Variants in CDCP1 observed in about 807,000 individuals in gnomAD.
The protein encoded by CDCP1 is CUB domain-containing protein 1.
In CDCP1, 29 loss-of-function variants were observed where a neutral mutation model predicts 60.2. The observed-to-expected ratio is 0.48, with a 90% confidence interval of 0.36 to 0.66. CDCP1 has a LOEUF of 0.66. Ranked by LOEUF, CDCP1 falls within the 30% of genes least tolerant of loss-of-function variation. CDCP1 has a pLI of 0.00. For synonymous variants in CDCP1, 387 were observed against 431.1 expected (o/e 0.90, Z 1.27); for missense variants, 876 against 1,074.3 (o/e 0.82, Z 2.58).
rs941792210 is a variant in CDCP1, at chr3:45,085,349, G to C, written c.*289C>G. On this transcript the variant is annotated 3_prime_UTR_variant, in exon 9 of 9. Transcript: ENST00000296129. This position sits in a 1 kb window ranked among gnomAD's most constrained non-coding sequence, Gnocchi z 4.2. Reference sequence around the variant, plus strand: ...AATCCAGGGCTTGCTGCAACCCTATGCTAGGTGACTCAGGCCTCTCTCCTC... The same window carrying C: ...AATCCAGGGCTTGCTGCAACCCTATCCTAGGTGACTCAGGCCTCTCTCCTC... 3 of 373,338 alleles carry C rather than the reference G, an allele frequency of 8.0e-6. No homozygotes were observed. Among genetic ancestry groups the C allele is most frequent in the Non-Finnish European group, 9.8e-6 (2 of 203,316 alleles). The allele number at this position is 373,338 out of a possible 1,614,324, so 23.1% of individuals were successfully genotyped here. A position where few individuals can be genotyped will look rare whatever the true frequency, so the allele number is the denominator to read the frequency against.
chr3:45,105,089 C>T (rs1296507623), intron 4 of CDCP1, among the ~76,000 whole-genome samples: 1 of 152,088 alleles, frequency 6.6e-6, no homozygotes, highest in East Asian at 1.9e-4. Flanking sequence ...GATGTTTAAC[C>T]CCCACCTGCC....
At chr3:45,090,364 T>C (rs2125989513) in intron 7 of CDCP1, among the ~76,000 whole-genome samples, 1 of 152,274 alleles carries the variant, frequency 6.6e-6, no homozygotes, top group Non-Finnish European at 1.5e-5. Flanking sequence ...GCCCATGACT[T>C]TGAGGAATAA....
intron 4 of CDCP1, among the ~76,000 whole-genome samples, chr3:45,100,630 T>G (rs1313323706): frequency 6.6e-6 from 1 of 152,230 alleles, no homozygotes; most frequent in African/African-American, 2.4e-5. Context: ...TTCCTTTCTA[T>G]TTCTCTTTCT....
Position 45,085,796 on chromosome 3 carries a change from TTGGGGCCCTGGAGCATATGG to T in CDCP1, c.2333_2352del (p.Thr778AsnfsTer7). The T allele has an allele frequency of 6.2e-7, 1 of 1,614,094 alleles. No homozygotes were observed. Among genetic ancestry groups the T allele is most frequent in the Non-Finnish European group, 8.5e-7 (1 of 1,180,010 alleles). ...GGCTCCTCAGTGGCCAACTTTGCAG[TTGGGGCCCTGGAGCATATGG>T]TGGGTGGGGAGGGAGGACAGACCCC... On this transcript the variant is annotated frameshift_variant, in exon 9 of 9. Transcript: ENST00000296129. LOFTEE classifies it low-confidence loss of function (END_TRUNC). This position sits in a 1 kb window ranked among gnomAD's most constrained non-coding sequence, Gnocchi z 4.2.
intron 4 of CDCP1, 50 bp downstream of exon 4, chr3:45,110,423 A>C (rs1356441669): frequency 2.6e-5 from 42 of 1,594,024 alleles, no homozygotes; most frequent in Non-Finnish European, 3.5e-5. Flanking sequence ...TACCCAGGAA[A>C]CAACGAAGGT....
rs552726389 is a variant in CDCP1 at position 45,125,316 on chromosome 3, G to A, written c.83-6695C>T. 5.9e-5 allele frequency among the ~76,000 whole-genome samples: 9 copies of A among 152,288 alleles called. No homozygotes were observed. The South Asian group carries it at 1.9e-3, about 32-fold the overall frequency. Reference sequence around the variant, plus strand: ...CACGGAGTTTGGGCTTCACCCACTGGGACCAGCACACCTTAGCAGCTTGGT... The same window carrying A: ...CACGGAGTTTGGGCTTCACCCACTGAGACCAGCACACCTTAGCAGCTTGGT... On this transcript the variant is annotated intron_variant, in intron 1 of 8. Coordinates refer to ENST00000296129, the MANE Select transcript of CDCP1 (RefSeq NM_022842.5).
intron 1 of CDCP1, among the ~76,000 whole-genome samples, chr3:45,134,922 T>C (rs1699167962): frequency 6.6e-6 from 1 of 152,166 alleles, no homozygotes; most frequent in African/African-American, 2.4e-5. Context: ...CTTTGAAAGG[T>C]GTTATGTCAA....
intron 1 of CDCP1, among the ~76,000 whole-genome samples, chr3:45,134,217 G>T (rs138320404): frequency 2.0e-5 from 3 of 151,536 alleles, no homozygotes; most frequent in Non-Finnish European, 4.4e-5. Context: ...CTCCGCCTCC[G>T]GGGTTCACAT....
At chr3:45,095,753 A>G (rs1225303488) in intron 4 of CDCP1, among the ~76,000 whole-genome samples, 185 bp from the exon 5 acceptor site, 1 of 152,254 alleles carries the variant, frequency 6.6e-6, no homozygotes, top group Non-Finnish European at 1.5e-5. Flanking sequence ...AAAAAGAAAA[A>G]TAATGGACTT....
In CDCP1 at chr3:45,091,789, A is replaced by T. The variant is rs1024820360; in HGVS notation, c.1628-251T>A. Among the ~76,000 whole-genome samples the T allele has an allele frequency of 2.0e-5, 3 of 152,142 alleles. No homozygotes were observed. The highest frequency in any genetic ancestry group is 4.1e-4 in the South Asian group (2 of 4,830). On this transcript the variant is annotated intron_variant, in intron 6 of 8. Transcript: ENST00000296129. This position sits in a 1 kb window ranked among gnomAD's most constrained non-coding sequence, Gnocchi z 4.8. Reference sequence around the variant, plus strand: ...TAAATTTGTTTCATGTTAATTTATTATTATTAGTTATTTTTGAGAGGGAGT... The same window carrying T: ...TAAATTTGTTTCATGTTAATTTATTTTTATTAGTTATTTTTGAGAGGGAGT...
chr3:45,129,386 T>G (rs939650958), intron 1 of CDCP1, among the ~76,000 whole-genome samples: 1 of 152,098 alleles, frequency 6.6e-6, no homozygotes. Flanking sequence ...ACCACAGAGG[T>G]AAGAAAGCTG....
chr3:45,110,958 C>A, intron 3 of CDCP1, 117 bp from the exon 4 acceptor site: 1 of 1,149,252 alleles, frequency 8.7e-7, no homozygotes, highest in Non-Finnish European at 1.2e-6. Flanking sequence ...AGATCCTGAG[C>A]AGTGGGTCTA....
At chr3:45,137,275 AC>A (rs1350126582) in intron 1 of CDCP1, among the ~76,000 whole-genome samples, 2 of 152,148 alleles carry the variant, frequency 1.3e-5, no homozygotes, top group Non-Finnish European at 2.9e-5. Context: ...TTTTCTCTCC[AC>A]ATTCTAATGA....
rs767052583 is a variant in CDCP1 at position 45,112,390 on chromosome 3, C to T, written c.348G>A (p.Ser116=). The T allele has an allele frequency of 6.8e-6, 11 of 1,614,070 alleles. No homozygotes were observed. Among genetic ancestry groups the T allele is most frequent in the Admixed American group, 3.3e-5 (2 of 60,008 alleles). Residue 116 remains serine, a synonymous_variant, in exon 3 of 9, where the codon TCG becomes TCA. Transcript: ENST00000296129. ...FGEVQLQPST[S]LLPTLNRTFI... is the part of the protein sequence containing the mutation. ...AAGTTCTGTTGAGGGTAGGCAACAA[C>T]GATGTCGAGGGCTGAAGCTGAACCT... is the stretch of plus-strand genomic sequence containing the variant.
At position 45,095,506 on chromosome 3, in the gene CDCP1, G is replaced by C; in HGVS notation, c.1087C>G (p.Pro363Ala). The change falls in exon 5 of 9, where the codon CCC becomes GCC. Residue 363 changes from proline to alanine, a missense_variant. Around this residue, in one of 2 missense-constraint regions of CDCP1, gnomAD observed 726 missense variants for 935.7 expected, o/e 0.78. Coordinates refer to ENST00000296129, the MANE Select transcript of CDCP1 (RefSeq NM_022842.5). ...ACAAACTTGCGGCTCTGTTTGACGG[G>C]CCGTGGCTCGATGGTGAGTGACATG... The part of the protein sequence containing the change: ...RAMSLTIEPR[P>A]VKQSRKFVPG... 1 of 1,614,180 alleles carries C rather than the reference G, an allele frequency of 6.2e-7. No homozygotes were observed. Among genetic ancestry groups the C allele is most frequent in the Non-Finnish European group, 8.5e-7 (1 of 1,180,040 alleles).
chr3:45,112,273 G>A lies in CDCP1; in HGVS notation c.465C>T (p.Cys155=). 6.2e-7 allele frequency: 1 copy of A among 1,614,222 alleles called. No homozygotes were observed. Among genetic ancestry groups the A allele is most frequent in the Non-Finnish European group, 8.5e-7 (1 of 1,180,036 alleles). Residue 155 remains cysteine (C), a synonymous_variant, in exon 3 of 9, where the codon TGC becomes TGT. Transcript: ENST00000296129. ...TGATGGAGTGAGTGACTCCGTCTGG[G>A]CAGCTCTCACCCGGACCGATCTGCC... ...RLRQIGPGES[C]PDGVTHSISG...
intron 1 of CDCP1, among the ~76,000 whole-genome samples, chr3:45,137,950 G>C (rs1699217793): frequency 6.6e-6 from 1 of 152,144 alleles, no homozygotes; most frequent in African/African-American, 2.4e-5. Context: ...AGGGATTAAA[G>C]GCCAGGGCCC....
Position 45,085,504 on chromosome 3 carries a change from G to T in CDCP1, c.*134C>A. ...TGAGTCCACTGAGCAATGTGAAGTT[G>T]GCGGTGTCCAGGAAAACCTCCTGCT... On this transcript the variant is annotated 3_prime_UTR_variant, in exon 9 of 9. Coordinates refer to ENST00000296129, the MANE Select transcript of CDCP1 (RefSeq NM_022842.5). This position sits in a 1 kb window ranked among gnomAD's most constrained non-coding sequence, Gnocchi z 4.2. The T allele has an allele frequency of 4.8e-6, 4 of 836,600 alleles. No individual in the cohort carries two copies. The highest frequency in any genetic ancestry group is 7.7e-6 in the Non-Finnish European group (4 of 520,338). 51.8% of individuals were successfully genotyped at this position (836,600 alleles called of 1,614,324 possible).
rs749544450 is a variant in CDCP1 at position 45,095,560 on chromosome 3, A to G, written c.1033T>C (p.Tyr345His). 4.3e-5 allele frequency: 69 copies of G among 1,613,808 alleles called. No individual in the cohort carries two copies. The highest frequency in any genetic ancestry group is 6.8e-6 in the Non-Finnish European group (8 of 1,179,830). The change falls in exon 5 of 9, where the codon TAC becomes CAC. Residue 345 changes from tyrosine to histidine, a missense_variant. Tyr to His is a moderately conservative substitution (Grantham distance 83). Transcript: ENST00000296129. ...QHPQNESNKI[Y>H]VVDLSNERAM... ...CGCTCATTACTCAAGTCAACCACGT[A>G]GATTTTATCTGAAACCACAAACAGA... is the stretch of plus-strand genomic sequence containing the variant.
Sources: allele counts gnomAD v4.1 joint callset (sites outside exome capture counted in the v4.1 genomes callset), GRCh38; gene constraint gnomAD v4.1.1; regional missense constraint gnomAD v4.1.1; non-coding constraint Gnocchi (gnomAD v3.1); transcripts MANE v1.5; gene names NCBI Gene and HGNC (gene_info 2026-07-23, HGNC 2026-07-21).